Variants in ATP8A1 observed in about 807,000 individuals in gnomAD.
ATP8A1 encodes ATPase phospholipid transporting 8A1, also known as phospholipid-transporting ATPase IA.
A neutral mutation model predicts 177.7 loss-of-function variants in ATP8A1; 90 were observed. The observed-to-expected ratio is 0.51, with a 90% CI of 0.43 to 0.60. ATP8A1 has a LOEUF of 0.60. ATP8A1 is among the 20% of genes least tolerant of loss of function. The pLI is 0.00. For synonymous variants in ATP8A1, 493 were observed against 485.9 expected, an observed-to-expected ratio of 1.01 and a Z score of -0.19; for missense variants, 1,072 against 1,392.8, an observed-to-expected ratio of 0.77 and a Z score of 3.67.
intron 27 of ATP8A1, among the ~76,000 whole-genome samples, chr4:42,463,742 A>G (rs1719427009): frequency 6.6e-6 from 1 of 152,256 alleles, no homozygotes; most frequent in African/African-American, 2.4e-5. Context: ...AACGGATTAT[A>G]GAAATCCCTT....
chr4:42,440,628 T>C (rs774104684), intron 33 of ATP8A1, among the ~76,000 whole-genome samples: 3 of 152,076 alleles, frequency 2.0e-5, no homozygotes, highest in Admixed American at 6.6e-5. Flanking sequence ...ATTGATTGAT[T>C]GAAAAAAAAT....
chr4:42,452,109 GTGAACTC>G, intron 29 of ATP8A1, 50 bp from the exon 30 acceptor site: 1 of 1,307,978 alleles, frequency 7.6e-7, no homozygotes, highest in South Asian at 1.2e-5. Context: ...AACTAGCTCT[GTGAACTC>G]TGACCTTTCT....
intron 20 of ATP8A1, among the ~76,000 whole-genome samples, chr4:42,531,140 GA>G (rs1395987184): frequency 2.0e-5 from 3 of 152,166 alleles, no homozygotes; most frequent in African/African-American, 7.2e-5. Flanking sequence ...CAGAGGTAGG[GA>G]AGAGTATGTA....
intron 20 of ATP8A1, among the ~76,000 whole-genome samples, chr4:42,534,852 AC>A (rs1727618959): frequency 6.6e-6 from 1 of 152,230 alleles, no homozygotes; most frequent in African/African-American, 2.4e-5. Context: ...TTGAGGACCT[AC>A]CTTTAGCCTC....
intron 32 of ATP8A1, 43 bp from the exon 33 acceptor site, chr4:42,443,715 C>G: frequency 1.2e-6 from 1 of 846,848 alleles, no homozygotes; most frequent in East Asian, 2.4e-5. Context: ...TTTATGTAGA[C>G]CGAGTACACA....
At chr4:42,444,543 T>G in intron 32 of ATP8A1, 35 bp downstream of exon 32, 3 of 1,589,148 alleles carry the variant, frequency 1.9e-6, no homozygotes, top group Middle Eastern at 1.7e-4. Context: ...CAAGTAAATG[T>G]GACATTTCTT....
At chr4:42,525,309 C>A (rs183076167) in intron 20 of ATP8A1, among the ~76,000 whole-genome samples, 1 of 152,112 alleles carries the variant, frequency 6.6e-6, no homozygotes, top group African/African-American at 2.4e-5. Context: ...CAGTGGATCT[C>A]GAAGGGGCTA....
chr4:42,599,746 T>G (rs1210229389), intron 6 of ATP8A1, among the ~76,000 whole-genome samples: 2 of 152,118 alleles, frequency 1.3e-5, no homozygotes, highest in Non-Finnish European at 2.9e-5. Flanking sequence ...ACCTCTAATG[T>G]CCTGGCAATC....
chr4:42,491,494 T>G (rs1353160746), intron 24 of ATP8A1, among the ~76,000 whole-genome samples: 4 of 152,230 alleles, frequency 2.6e-5, no homozygotes, highest in Admixed American at 2.6e-4. Context: ...AAACCCTTGA[T>G]AAAAACCCTT....
At chr4:42,576,288 G>A (rs1172267729) in intron 12 of ATP8A1, among the ~76,000 whole-genome samples, 2 of 151,654 alleles carry the variant, frequency 1.3e-5, no homozygotes, top group African/African-American at 2.4e-5. Context: ...TGGCTAACAC[G>A]GTGAAACCCC....
intron 5 of ATP8A1, among the ~76,000 whole-genome samples, chr4:42,608,364 T>A (rs1736028844): frequency 1.2e-5 from 1 of 86,108 alleles, no homozygotes; most frequent in African/African-American, 3.3e-5. Context: ...AATAATATCA[T>A]TTTTTTTTTT....
chr4:42,466,334 C>T (rs1719763843), intron 25 of ATP8A1, among the ~76,000 whole-genome samples: 2 of 152,120 alleles, frequency 1.3e-5, no homozygotes, highest in Admixed American at 6.6e-5. Context: ...ATTTACTATT[C>T]TATTTAAAAA....
intron 5 of ATP8A1, among the ~76,000 whole-genome samples, chr4:42,603,656 G>T (rs1304203326): frequency 6.6e-6 from 1 of 151,998 alleles, no homozygotes; most frequent in Non-Finnish European, 1.5e-5. Context: ...ACTTCCTGTT[G>T]ATTTTATGCC....
intron 30 of ATP8A1, 77 bp downstream of exon 30, chr4:42,451,904 A>C: frequency 9.3e-7 from 1 of 1,078,020 alleles, no homozygotes. Flanking sequence ...CTATACTTTT[A>C]AACATACATT....
intron 15 of ATP8A1, among the ~76,000 whole-genome samples, chr4:42,560,657 G>A (rs1283456898): frequency 6.6e-6 from 1 of 151,764 alleles, no homozygotes; most frequent in Non-Finnish European, 1.5e-5. Flanking sequence ...TAAGCAAGCA[G>A]AATGACAAAT....
At chr4:42,493,269 C>T (rs770429839) in intron 24 of ATP8A1, among the ~76,000 whole-genome samples, 24 of 152,062 alleles carry the variant, frequency 1.6e-4, no homozygotes, top group African/African-American at 5.3e-4. Context: ...TCCAGGTTTT[C>T]GTCAACTTCA....
chr4:42,496,586 A>G (rs996342727), intron 24 of ATP8A1, among the ~76,000 whole-genome samples: 4 of 152,182 alleles, frequency 2.6e-5, no homozygotes, highest in African/African-American at 9.6e-5. Context: ...CCTGTGAGAA[A>G]TTGTTACCCA....
chr4:42,614,221 T>C (rs1736678637), intron 5 of ATP8A1, among the ~76,000 whole-genome samples: 2 of 152,134 alleles, frequency 1.3e-5, no homozygotes, highest in Admixed American at 6.5e-5. Context: ...ACCTGTGTGG[T>C]AGCCCAAAAT....
At chr4:42,493,078 C>T (rs1259884734) in intron 24 of ATP8A1, among the ~76,000 whole-genome samples, 1 of 148,378 alleles carries the variant, frequency 6.7e-6, no homozygotes, top group African/African-American at 2.5e-5. Context: ...GTAGAGAAAG[C>T]AGTGGTCTGC....
Sources: gnomAD v4.1 joint callset for allele counts (sites outside exome capture counted in the v4.1 genomes callset) on GRCh38, gnomAD v4.1.1 for gene constraint, MANE v1.5 for transcripts, NCBI Gene and HGNC (gene_info 2026-07-23, HGNC 2026-07-21) for gene names.